Variants in CEP63 observed in about 807,000 individuals in gnomAD.
CEP63 encodes centrosomal protein 63.
Under a neutral mutation model 89.1 loss-of-function variants are expected in CEP63, and 84 were observed. That is an observed-to-expected ratio of 0.94 (90% confidence interval 0.79 to 1.13). The LOEUF (loss-of-function observed/expected upper bound fraction) is 1.13. Ranked by LOEUF, CEP63 falls within the 50% of genes most tolerant of loss-of-function variation. The pLI, the probability that CEP63 is intolerant of heterozygous loss-of-function variation, is 0.00. For synonymous variants in CEP63, 267 were observed against 272.5 expected, an observed-to-expected ratio of 0.98 and a Z score of 0.20; for missense variants, 838 against 813.3, an observed-to-expected ratio of 1.03 and a Z score of -0.37.
chr3:134,536,161 A>C (rs1164764625), intron 5 of CEP63: 2 of 152,254 alleles, frequency 1.3e-5, no homozygotes, highest in African/African-American at 2.4e-5. Context: ...CCCAACTGTG[A>C]AGACTTCATG....
the CEP63 span, among the ~76,000 whole-genome samples, chr3:134,676,509 A>G: frequency 1.3e-5 from 2 of 152,250 alleles, no homozygotes; most frequent in African/African-American, 4.8e-5. Flanking sequence ...GACAGTGGTG[A>G]TAGTTACACA....
intron 3 of CEP63, among the ~76,000 whole-genome samples, chr3:134,508,174 A>G (rs1234548127): frequency 6.6e-6 from 1 of 152,190 alleles, no homozygotes; most frequent in Non-Finnish European, 1.5e-5. Context: ...CGTAACAAAG[A>G]GTTTGACTTG....
the CEP63 span, among the ~76,000 whole-genome samples, chr3:134,677,227 C>T: frequency 2.6e-5 from 4 of 152,198 alleles, no homozygotes; most frequent in African/African-American, 9.6e-5. Context: ...CCATTGCACT[C>T]CAGCCTGGGC....
intron 3 of CEP63, among the ~76,000 whole-genome samples, chr3:134,519,117 A>G (rs1946861901): frequency 6.6e-6 from 1 of 151,768 alleles, no homozygotes; most frequent in African/African-American, 2.4e-5. Context: ...ATAGTATCCT[A>G]TTAAATTGAT....
At chr3:134,770,085 G>T in the CEP63 span, among the ~76,000 whole-genome samples, 1 of 152,234 alleles carries the variant, frequency 6.6e-6, no homozygotes, top group Non-Finnish European at 1.5e-5. Context: ...GCCAGCAAGG[G>T]CGTGGTGGTC....
chr3:134,672,827 C>A, the CEP63 span, among the ~76,000 whole-genome samples: 1 of 152,238 alleles, frequency 6.6e-6, no homozygotes, highest in East Asian at 1.9e-4. Flanking sequence ...TCAACCATTG[C>A]CTGGACCATG....
At chr3:134,646,240 G>T in the CEP63 span, among the ~76,000 whole-genome samples, 1 of 152,176 alleles carries the variant, frequency 6.6e-6, no homozygotes, top group Non-Finnish European at 1.5e-5. Flanking sequence ...AAGCTGGCAT[G>T]TCTACCAGCT....
chr3:134,745,128 C>T, the CEP63 span, among the ~76,000 whole-genome samples: 1 of 152,276 alleles, frequency 6.6e-6, no homozygotes, highest in African/African-American at 2.4e-5. Flanking sequence ...CTAGCACTTC[C>T]CACTGTTGCC....
At chr3:134,592,840 T>G in the CEP63 span, among the ~76,000 whole-genome samples, 3 of 152,138 alleles carry the variant, frequency 2.0e-5, no homozygotes, top group African/African-American at 7.2e-5. Context: ...AAGGTTTTCT[T>G]TTTCTTTTCA....
chr3:134,601,601 C>T, the CEP63 span, among the ~76,000 whole-genome samples: 2 of 152,200 alleles, frequency 1.3e-5, no homozygotes, highest in East Asian at 1.9e-4. Context: ...GTTATGCCTC[C>T]GGGGCCTTTG....
At chr3:134,725,918 C>G in the CEP63 span, among the ~76,000 whole-genome samples, 1 of 152,144 alleles carries the variant, frequency 6.6e-6, no homozygotes, top group South Asian at 2.1e-4. Context: ...CCACTAGAGC[C>G]AGGATGGTGT....
chr3:134,723,581 A>G, the CEP63 span, among the ~76,000 whole-genome samples: 1 of 152,244 alleles, frequency 6.6e-6, no homozygotes, highest in Non-Finnish European at 1.5e-5. Flanking sequence ...ATACTAGGAA[A>G]GACCCATTTG....
At chr3:134,745,748 T>G in the CEP63 span, among the ~76,000 whole-genome samples, 1 of 151,774 alleles carries the variant, frequency 6.6e-6, no homozygotes, top group Non-Finnish European at 1.5e-5. Context: ...GTGTTCTCAT[T>G]GTTCAATTCC....
chr3:134,538,537 A>ATATATATATATATATATATATG (rs1951295164), intron 6 of CEP63, among the ~76,000 whole-genome samples: 1 of 137,692 alleles, frequency 7.3e-6, no homozygotes, highest in East Asian at 2.2e-4. Flanking sequence ...GTGTGTGTAT[A>ATATATATATATATATATATATG]TATATATATA....
chr3:134,592,003 T>G (rs1175549597), downstream of CEP63, among the ~76,000 whole-genome samples: 1 of 152,242 alleles, frequency 6.6e-6, no homozygotes, highest in Non-Finnish European at 1.5e-5. Context: ...AAGTTTTCTG[T>G]GACCTTACAA....
the CEP63 span, among the ~76,000 whole-genome samples, chr3:134,777,150 A>C: frequency 1.3e-5 from 2 of 152,214 alleles, no homozygotes; most frequent in Non-Finnish European, 2.9e-5. Flanking sequence ...TAAAAAAGGC[A>C]CATGTTTTGT....
chr3:134,567,467 CAAA>C (rs61700362), downstream of CEP63, among the ~76,000 whole-genome samples: 5 of 134,104 alleles, frequency 3.7e-5, no homozygotes, highest in East Asian at 2.1e-4. Context: ...TCACTGTTAC[CAAA>C]AAAAAAAAAA....
intron 2 of CEP63, among the ~76,000 whole-genome samples, chr3:134,500,335 G>A (rs2102006): frequency 0.95 from 144,816 of 152,278 alleles, 68,945 homozygotes; most frequent in African/African-American, 0.98. Flanking sequence ...TCTTTATCCA[G>A]TCCACCATCA....
At chr3:134,759,110 GC>G in the CEP63 span, among the ~76,000 whole-genome samples, 6 of 152,190 alleles carry the variant, frequency 3.9e-5, no homozygotes, top group African/African-American at 1.4e-4. Context: ...CTCCCCTAGA[GC>G]CTTCAGAAGG....
Sources: gnomAD v4.1 joint callset for allele counts (sites outside exome capture counted in the v4.1 genomes callset) on GRCh38, gnomAD v4.1.1 for gene constraint, MANE v1.5 for transcripts, NCBI Gene and HGNC (gene_info 2026-07-23, HGNC 2026-07-21) for gene names.